ELMO1: variants seen among roughly 807,000 people sequenced by gnomAD.
The protein encoded by ELMO1 is engulfment and cell motility protein 1.
ELMO1 carries 26 observed loss-of-function variants against 98.9 expected under a neutral mutation model. That is an observed-to-expected ratio of 0.26 (90% CI 0.19 to 0.36). ELMO1 has a LOEUF of 0.36. ELMO1 is among the 10% of genes least tolerant of loss of function. ELMO1 has a pLI of 1.00. For missense variants in ELMO1, 627 were observed against 935.2 expected (o/e 0.67, Z 4.30); for synonymous variants, 346 against 346.0 (o/e 1.00, Z 0.00).
chr7:36,962,979 G>T (rs1330839724), intron 16 of ELMO1, among the ~76,000 whole-genome samples: 1 of 152,188 alleles, frequency 6.6e-6, no homozygotes, highest in Admixed American at 6.5e-5. Context: ...GAATGTTCAC[G>T]CAGTATTATT....
intron 14 of ELMO1, among the ~76,000 whole-genome samples, chr7:37,117,338 C>T (rs535182485): frequency 6.6e-6 from 1 of 152,272 alleles, no homozygotes; most frequent in East Asian, 1.9e-4. Flanking sequence ...AGATTTCAGA[C>T]ACCTCATCCA....
intron 15 of ELMO1, among the ~76,000 whole-genome samples, chr7:37,081,932 A>G (rs1797886391): frequency 6.6e-6 from 1 of 152,218 alleles, no homozygotes; most frequent in African/African-American, 2.4e-5. Context: ...TCACCCGGGC[A>G]AGTCGATGGG....
rs897845153 is a variant in ELMO1 at position 37,286,451 on chromosome 7, G to A, written c.193-14569C>T. 3.3e-5 allele frequency among the ~76,000 whole-genome samples: 5 copies of A among 152,224 alleles called. 1 individual carries two copies. The highest frequency in any genetic ancestry group is 1.2e-4 in the African/African-American group (5 of 41,462). On this transcript the variant is annotated intron_variant, in intron 4 of 21. Transcript: ENST00000310758. Reference sequence around the variant, plus strand: ...TACAGGGTAAATGAATGATGGGCAAGACAACGTCTTGGGGCCTCCCTTTCT... The same window carrying A: ...TACAGGGTAAATGAATGATGGGCAAAACAACGTCTTGGGGCCTCCCTTTCT...
intron 4 of ELMO1, among the ~76,000 whole-genome samples, chr7:37,297,649 A>G (rs1477531956): frequency 6.6e-6 from 1 of 152,180 alleles, no homozygotes; most frequent in African/African-American, 2.4e-5. Context: ...AAACAATTTA[A>G]AAGTCCAAAT....
At chr7:37,237,026 A>G (rs991677307) in intron 7 of ELMO1, among the ~76,000 whole-genome samples, 2 of 152,248 alleles carry the variant, frequency 1.3e-5, no homozygotes, top group Admixed American at 1.3e-4. Flanking sequence ...TGTTAGGCTA[A>G]AGATTGTGCA....
intron 4 of ELMO1, among the ~76,000 whole-genome samples, chr7:37,314,583 C>A (rs776638333): frequency 6.6e-6 from 1 of 152,044 alleles, no homozygotes; most frequent in Non-Finnish European, 1.5e-5. Context: ...AATTCTTTAA[C>A]CAAGCAGTAA....
chr7:37,072,429 TG>T (rs1024243306), intron 15 of ELMO1, among the ~76,000 whole-genome samples: 2 of 149,302 alleles, frequency 1.3e-5, no homozygotes, highest in Admixed American at 1.4e-4. Context: ...GACTGCCATG[TG>T]GAACTGTAAG....
At chr7:37,266,667 AT>A (rs1796256136) in intron 5 of ELMO1, among the ~76,000 whole-genome samples, 2 of 152,200 alleles carry the variant, frequency 1.3e-5, no homozygotes, top group Admixed American at 1.3e-4. Flanking sequence ...TGTAATATAT[AT>A]TTGTGTATTT....
At chr7:37,001,502 G>A (rs1792668551) in intron 16 of ELMO1, among the ~76,000 whole-genome samples, 1 of 152,136 alleles carries the variant, frequency 6.6e-6, no homozygotes, top group Non-Finnish European at 1.5e-5. Context: ...ATTTATTTGG[G>A]AAGACAGACT....
At chr7:37,203,227 T>C (rs1792400591) in intron 13 of ELMO1, among the ~76,000 whole-genome samples, 1 of 152,202 alleles carries the variant, frequency 6.6e-6, no homozygotes, top group South Asian at 2.1e-4. Flanking sequence ...TTGTATTTAA[T>C]GGCCCTTACT....
At chr7:36,981,508 T>G (rs1460574413) in intron 16 of ELMO1, among the ~76,000 whole-genome samples, 1 of 152,146 alleles carries the variant, frequency 6.6e-6, no homozygotes, top group Non-Finnish European at 1.5e-5. Flanking sequence ...ATGATAGCAA[T>G]TAAATCACTC....
At chr7:36,922,117 G>C (rs1358720325) in intron 16 of ELMO1, among the ~76,000 whole-genome samples, 2 of 152,062 alleles carry the variant, frequency 1.3e-5, no homozygotes, top group Non-Finnish European at 2.9e-5. Flanking sequence ...AAAATCAATA[G>C]GTGGTCAGGT....
intron 13 of ELMO1, among the ~76,000 whole-genome samples, chr7:37,162,698 A>G (rs1160050559): frequency 6.6e-6 from 1 of 152,234 alleles, no homozygotes; most frequent in African/African-American, 2.4e-5. Context: ...TCAACTCAAT[A>G]ATGAAGAAAC....
intron 1 of ELMO1, among the ~76,000 whole-genome samples, chr7:37,422,320 T>C (rs1257806072): frequency 6.6e-6 from 1 of 152,254 alleles, no homozygotes; most frequent in Admixed American, 6.5e-5. Context: ...GGAAGAGTCT[T>C]ATTTCTGTGA....
chr7:36,879,503 G>A (rs1804249766), intron 18 of ELMO1, among the ~76,000 whole-genome samples: 3 of 152,210 alleles, frequency 2.0e-5, no homozygotes, highest in Non-Finnish European at 4.4e-5. Flanking sequence ...CTCTAAAATT[G>A]CTGTCACTGC....
At chr7:37,060,718 C>A (rs1401616278) in intron 15 of ELMO1, among the ~76,000 whole-genome samples, 1 of 152,078 alleles carries the variant, frequency 6.6e-6, no homozygotes, top group Non-Finnish European at 1.5e-5. Flanking sequence ...TCAATAATTC[C>A]TTTGAGTTTT....
At chr7:36,941,494 A>G (rs1300120049) in intron 16 of ELMO1, among the ~76,000 whole-genome samples, 1 of 152,254 alleles carries the variant, frequency 6.6e-6, no homozygotes, top group Admixed American at 6.5e-5. Context: ...CTTATCTACA[A>G]ACATATTAAC....
chr7:37,319,695 G>C (rs1799379798), intron 2 of ELMO1, among the ~76,000 whole-genome samples: 1 of 152,144 alleles, frequency 6.6e-6, no homozygotes, highest in South Asian at 2.1e-4. Context: ...ACTTGTCCTT[G>C]TCTTCTCTTT....
chr7:37,312,727 G>A (rs919806893), intron 4 of ELMO1, among the ~76,000 whole-genome samples: 8 of 152,218 alleles, frequency 5.3e-5, no homozygotes, highest in African/African-American at 1.9e-4. Context: ...CAGAAGACAG[G>A]ACACCACCAG....
Sources: gnomAD v4.1 joint callset for allele counts (sites outside exome capture counted in the v4.1 genomes callset) on GRCh38, gnomAD v4.1.1 for gene constraint, MANE v1.5 for transcripts, NCBI Gene and HGNC (gene_info 2026-07-23, HGNC 2026-07-21) for gene names.